Variants in PRKCA observed in about 807,000 individuals in gnomAD.
The protein encoded by PRKCA is protein kinase C alpha type.
Under a neutral mutation model 87.0 loss-of-function variants are expected in PRKCA, and 27 were observed. That is an observed-to-expected ratio of 0.31 (90% CI 0.23 to 0.43). PRKCA has a LOEUF of 0.43. Among genes scored for constraint, PRKCA ranks in the 20% least tolerant of loss-of-function variants. PRKCA has a pLI of 1.00. For synonymous variants in PRKCA, 329 were observed against 311.1 expected, an observed-to-expected ratio of 1.06 and a Z score of -0.61; for missense variants, 518 against 852.3, an observed-to-expected ratio of 0.61 and a Z score of 4.88.
At chr17:66,476,555 T>C (rs1312849091) in intron 2 of PRKCA, among the ~76,000 whole-genome samples, 1 of 152,204 alleles carries the variant, frequency 6.6e-6, no homozygotes, top group Non-Finnish European at 1.5e-5. Context: ...AGGCACAAGC[T>C]CTGGTTCTCT....
chr17:66,587,715 G>A (rs1192298134), intron 3 of PRKCA, among the ~76,000 whole-genome samples: 1 of 120,686 alleles, frequency 8.3e-6, no homozygotes, highest in Non-Finnish European at 1.7e-5. Context: ...ATACGTATAT[G>A]TGTGTATATG....
intron 2 of PRKCA, chr17:66,403,517 C>T (rs993477317): frequency 5.9e-5 from 9 of 152,176 alleles, no homozygotes; most frequent in Non-Finnish European, 1.3e-4. Context: ...AATTCAAATC[C>T]TTGGCCAATC....
Position 66,806,860 on chromosome 17 carries a change from C to G in PRKCA, c.*2823C>G, listed in dbSNP as rs971132531. On this transcript the variant is annotated 3_prime_UTR_variant, in exon 17 of 17. Coordinates refer to ENST00000413366, the MANE Select transcript of PRKCA (RefSeq NM_002737.3). ...GGACAACAGACATCAGAACAAACCC[C>G]CAGAGAGAAACAGTCAAAATCAGGG... is the stretch of plus-strand genomic sequence containing the variant. 1 of 152,356 alleles carries G rather than the reference C, an allele frequency of 6.6e-6. No individual in the cohort carries two copies. The highest frequency in any genetic ancestry group is 1.5e-5 in the Non-Finnish European group (1 of 68,154). The allele number at this position is 152,356 out of a possible 1,614,324, so 9.4% of individuals were successfully genotyped here. A position where few individuals can be genotyped will look rare whatever the true frequency, so the allele number is the denominator to read the frequency against.
At chr17:66,546,207 C>T (rs889755968) in intron 3 of PRKCA, among the ~76,000 whole-genome samples, 1 of 152,182 alleles carries the variant, frequency 6.6e-6, no homozygotes, top group Non-Finnish European at 1.5e-5. Flanking sequence ...TGACCACTAT[C>T]CTTTTATTTG....
intron 8 of PRKCA, among the ~76,000 whole-genome samples, chr17:66,692,299 C>T (rs1162371090): frequency 6.6e-6 from 1 of 152,128 alleles, no homozygotes; most frequent in Non-Finnish European, 1.5e-5. Context: ...TTGCTTAGAG[C>T]ATTTTAAAAA....
chr17:66,317,403 C>T (rs1905380454), intron 2 of PRKCA, among the ~76,000 whole-genome samples: 1 of 152,136 alleles, frequency 6.6e-6, no homozygotes, highest in South Asian at 2.1e-4. Context: ...GATACTGCTA[C>T]CATGCTACTG....
intron 3 of PRKCA, among the ~76,000 whole-genome samples, chr17:66,526,021 T>C (rs1177347890): frequency 6.6e-6 from 1 of 152,150 alleles, no homozygotes; most frequent in Admixed American, 6.6e-5. Flanking sequence ...TTTAAAGAAA[T>C]GGTCTAAAAG....
At chr17:66,581,638 G>A (rs1481630977) in intron 3 of PRKCA, among the ~76,000 whole-genome samples, 7 of 152,014 alleles carry the variant, frequency 4.6e-5, no homozygotes, top group Non-Finnish European at 8.8e-5. Context: ...ACCACGCCTG[G>A]CTAATTTTTT....
intron 5 of PRKCA, among the ~76,000 whole-genome samples, chr17:66,661,134 T>C (rs1331614892): frequency 6.6e-6 from 1 of 152,216 alleles, no homozygotes; most frequent in Non-Finnish European, 1.5e-5. Flanking sequence ...TTTCTTTGCA[T>C]TGCAGAAAAC....
intron 5 of PRKCA, among the ~76,000 whole-genome samples, chr17:66,664,647 GTTTTTTTT>G (rs398031366): frequency 1.5e-5 from 1 of 67,788 alleles, no homozygotes; most frequent in African/African-American, 6.4e-5. Flanking sequence ...TTTTGCTTTG[GTTTTTTTT>G]TTTTTTTTTT....
intron 2 of PRKCA, among the ~76,000 whole-genome samples, chr17:66,457,161 G>A (rs938724726): frequency 3.3e-5 from 5 of 152,144 alleles, no homozygotes; most frequent in South Asian, 4.2e-4. Flanking sequence ...TGGAGTCGTC[G>A]TCTTGGCCTG....
intron 2 of PRKCA, among the ~76,000 whole-genome samples, chr17:66,489,352 CATATATAT>C (rs10529618): frequency 0.022 from 2,199 of 98,834 alleles, 54 homozygotes; most frequent in African/African-American, 0.045. Context: ...CTTAGCAGTG[CATATATAT>C]ATATATATAT....
At chr17:66,403,061 G>A (rs1026186407) in intron 2 of PRKCA, among the ~76,000 whole-genome samples, 1 of 152,126 alleles carries the variant, frequency 6.6e-6, no homozygotes, top group African/African-American at 2.4e-5. Flanking sequence ...CATTGAGTAT[G>A]TGACATTCTG....
intron 10 of PRKCA, among the ~76,000 whole-genome samples, chr17:66,736,824 T>C (rs1358186000): frequency 6.6e-6 from 1 of 152,172 alleles, no homozygotes; most frequent in African/African-American, 2.4e-5. Flanking sequence ...AACAGCTGTT[T>C]TGGGACATCA....
chr17:66,544,156 G>A (rs1358154260), intron 3 of PRKCA, among the ~76,000 whole-genome samples: 2 of 152,102 alleles, frequency 1.3e-5, no homozygotes, highest in Non-Finnish European at 2.9e-5. Flanking sequence ...CCCGGGAGGT[G>A]GAGACTGCAG....
intron 3 of PRKCA, among the ~76,000 whole-genome samples, chr17:66,515,809 T>C (rs1333909449): frequency 6.6e-6 from 1 of 152,176 alleles, no homozygotes; most frequent in Non-Finnish European, 1.5e-5. Flanking sequence ...CTTTGCAGAG[T>C]GTTGGGATTA....
At chr17:66,426,137 G>A (rs1356451519) in intron 2 of PRKCA, among the ~76,000 whole-genome samples, 2 of 152,148 alleles carry the variant, frequency 1.3e-5, no homozygotes, top group African/African-American at 2.4e-5. Context: ...GGCATTTCAG[G>A]TTAGGAAGGA....
chr17:66,774,125 C>G, intron 14 of PRKCA, 58 bp downstream of exon 14: 1 of 1,613,094 alleles, frequency 6.2e-7, no homozygotes, highest in Non-Finnish European at 8.5e-7. Flanking sequence ...AATACTTCAG[C>G]TCTGGTTGGG....
At chr17:66,491,718 C>A (rs1916253428) in intron 2 of PRKCA, among the ~76,000 whole-genome samples, 1 of 152,204 alleles carries the variant, frequency 6.6e-6, no homozygotes. Flanking sequence ...TTTTATTGAG[C>A]CAGTCTTTTC....
Sources: allele counts gnomAD v4.1 joint callset (sites outside exome capture counted in the v4.1 genomes callset), GRCh38; gene constraint gnomAD v4.1.1; transcripts MANE v1.5; gene names NCBI Gene and HGNC (gene_info 2026-07-23, HGNC 2026-07-21).